The following SMAP2 variants were observed in gnomAD, a reference collection of about 807,000 sequenced individuals.
The protein encoded by SMAP2 is stromal membrane-associated protein 2.
Under a neutral mutation model 56.4 loss-of-function variants are expected in SMAP2, and 25 were observed. The observed-to-expected ratio is 0.44, with a 90% CI of 0.32 to 0.62. SMAP2 has a LOEUF of 0.62. Ranked by LOEUF, SMAP2 falls within the 20% of genes least tolerant of loss-of-function variation. SMAP2 has a pLI of 0.04. For missense variants in SMAP2, 388 were observed against 545.6 expected, an observed-to-expected ratio of 0.71 and a Z score of 2.88; for synonymous variants, 157 against 181.7, an observed-to-expected ratio of 0.86 and a Z score of 1.09.
intron 1 of SMAP2, among the ~76,000 whole-genome samples, chr1:40,355,865 C>T (rs763739274): frequency 8.8e-5 from 9 of 102,768 alleles, no homozygotes; most frequent in African/African-American, 3.8e-4. Context: ...CTGCCTCAGC[C>T]CCCCCAAAAT....
chr1:40,413,646 T>C (rs751798484), intron 5 of SMAP2, among the ~76,000 whole-genome samples: 2 of 152,212 alleles, frequency 1.3e-5, no homozygotes, highest in African/African-American at 4.8e-5. Flanking sequence ...TTACTTACTA[T>C]TGCTTAAGGA....
In SMAP2 at chr1:40,406,845, C is replaced by T; in HGVS notation, c.213C>T (p.Asp71=). ...HISRVKSVNL[D]QWTQEQIQCM... is the part of the protein sequence containing the mutation. Reference sequence around the variant, plus strand: ...CCAGGGTAAAGTCAGTTAACCTCGACCAGTGGACTCAAGAACAGATTCAGG... The same window carrying T: ...CCAGGGTAAAGTCAGTTAACCTCGATCAGTGGACTCAAGAACAGATTCAGG... Residue 71 remains aspartate, a synonymous_variant, in exon 2 of 10, where the codon GAC becomes GAT. Coordinates refer to ENST00000372718, the MANE Select transcript of SMAP2 (RefSeq NM_022733.3). 1 of 1,613,842 alleles carries T rather than the reference C, an allele frequency of 6.2e-7. No homozygotes were observed. The highest frequency in any genetic ancestry group is 8.5e-7 in the Non-Finnish European group (1 of 1,179,836).
intron 1 of SMAP2, chr1:40,403,581 A>AC: frequency 1.2e-6 from 1 of 826,314 alleles, no homozygotes. Flanking sequence ...GAATGAGTTA[A>AC]CTGGCCCTTA....
At chr1:40,413,139 C>A in intron 5 of SMAP2, 37 bp downstream of exon 5, 1 of 1,485,118 alleles carries the variant, frequency 6.7e-7, no homozygotes, top group South Asian at 1.1e-5. Flanking sequence ...TGGACAGCCT[C>A]AGGTATGTGT....
chr1:40,398,387 C>T (rs140622153), intron 1 of SMAP2, among the ~76,000 whole-genome samples: 107 of 148,064 alleles, frequency 7.2e-4, no homozygotes, highest in African/African-American at 2.5e-3. Flanking sequence ...TATCACCACA[C>T]CGAGCTCATT....
At chr1:40,414,131 T>C in intron 5 of SMAP2, 28 bp from the exon 6 acceptor site, 6 of 1,609,326 alleles carry the variant, frequency 3.7e-6, no homozygotes, top group Non-Finnish European at 5.1e-6. Context: ...ACCTGCTTAT[T>C]TCTTGCTATA....
chr1:40,374,238 C>T lies in SMAP2; in HGVS notation c.103+15C>T, dbSNP rs1242601423. On this transcript the variant is annotated intron_variant, in intron 1 of 9. Transcript: ENST00000372718. This position sits in a 1 kb window ranked among gnomAD's most constrained non-coding sequence, Gnocchi z 5.9. ...CCAGTCTAAAGGTAGCGCATCCCAC[C>T]TGGCGGGCCAGGGGTCCAGCCGCGC... 2.5e-6 allele frequency: 4 copies of T among 1,599,190 alleles called. No homozygotes were observed. The highest frequency in any genetic ancestry group is 3.4e-6 in the Non-Finnish European group (4 of 1,172,540).
chr1:40,357,838 ATAATT>A (rs1249673994), intron 1 of SMAP2, among the ~76,000 whole-genome samples: 1 of 152,128 alleles, frequency 6.6e-6, no homozygotes, highest in Non-Finnish European at 1.5e-5. Flanking sequence ...GCTTTGTAGT[ATAATT>A]TAAAGTCAGG....
intron 1 of SMAP2, among the ~76,000 whole-genome samples, chr1:40,380,487 C>G (rs2124225228): frequency 6.7e-6 from 1 of 149,434 alleles, no homozygotes; most frequent in South Asian, 2.1e-4. Context: ...TAGAAATGAA[C>G]TTTCCTATCA....
In SMAP2 at chr1:40,408,001, C is replaced by T. The variant is rs1474594077; in HGVS notation, c.238-652C>T. On this transcript the variant is annotated intron_variant, in intron 2 of 9. Transcript: ENST00000372718. The surrounding 1 kb of genome is among the most constrained non-coding windows in gnomAD (Gnocchi z 4.3). ...TTGGGAGTAAAAGGGAAGCCCCCCG[C>T]CCCCCAAATCCAGTTGCTAAAGTTG... is the stretch of plus-strand genomic sequence containing the variant. Among the ~76,000 whole-genome samples the T allele has an allele frequency of 1.3e-5, 2 of 151,982 alleles. No homozygotes were observed. Among genetic ancestry groups the T allele is most frequent in the Admixed American group, 6.6e-5 (1 of 15,254 alleles).
chr1:40,353,462 G>A (rs1261808615), intron 1 of SMAP2, among the ~76,000 whole-genome samples: 1 of 152,104 alleles, frequency 6.6e-6, no homozygotes, highest in African/African-American at 2.4e-5. Context: ...TCCGCCTCCC[G>A]GGTTCAAGTG....
chr1:40,374,068 T>C lies in SMAP2; in HGVS notation c.-53T>C, dbSNP rs1219762996. ...CCTCAACCCCGGACTGAGGCAGGGG[T>C]CTCTGGGGGCGAGGAGGGCGCGTCG... On this transcript the variant is annotated 5_prime_UTR_variant, in exon 1 of 10. Transcript: ENST00000372718. The surrounding 1 kb of genome is among the most constrained non-coding windows in gnomAD (Gnocchi z 5.9). The C allele has an allele frequency of 2.8e-6, 4 of 1,417,086 alleles. No homozygotes were observed. Among genetic ancestry groups the C allele is most frequent in the South Asian group, 2.4e-5 (2 of 83,554 alleles). 87.8% of individuals were successfully genotyped at this position (1,417,086 alleles called of 1,614,324 possible). A position where few individuals can be genotyped will look rare whatever the true frequency, so the allele number is the denominator to read the frequency against.
chr1:40,393,872 C>T (rs937333670), intron 1 of SMAP2, among the ~76,000 whole-genome samples: 1 of 152,036 alleles, frequency 6.6e-6, no homozygotes, highest in African/African-American at 2.4e-5. Flanking sequence ...GGAGTATTTG[C>T]GTGAACAGAA....
Position 40,414,178 on chromosome 1 carries a change from C to T in SMAP2, c.509C>T (p.Pro170Leu), listed in dbSNP as rs778445826. The change falls in exon 6 of 10, where the codon CCA (proline) becomes CTA (leucine). Residue 170 changes from proline to leucine, a missense_variant. Physicochemically the swap from Pro to Leu is moderately conservative, Grantham distance 98 (BLOSUM62 -3). Transcript: ENST00000372718. The stretch of plus-strand genomic sequence containing the variant: ...CCTTAGCCACAGAAAAAAGAAGACC[C>T]ACAGCTACCTCGGAAAAGCTCCCCG... ...KVKMPQKKEDPQLPRKSSPKS... is the reference protein window; with the variant it reads ...KVKMPQKKEDLQLPRKSSPKS... The T allele has an allele frequency of 1.2e-6, 2 of 1,614,142 alleles. No individual in the cohort carries two copies. Among genetic ancestry groups the T allele is most frequent in the Non-Finnish European group, 1.7e-6 (2 of 1,180,016 alleles).
At chr1:40,380,868 A>G (rs1356892107) in intron 1 of SMAP2, among the ~76,000 whole-genome samples, 1 of 152,140 alleles carries the variant, frequency 6.6e-6, no homozygotes, top group Non-Finnish European at 1.5e-5. Flanking sequence ...AATGGCGTGA[A>G]ACAACAGAAG....
upstream of SMAP2, among the ~76,000 whole-genome samples, chr1:40,373,247 T>G (rs963472014): frequency 6.6e-6 from 1 of 152,232 alleles, no homozygotes; most frequent in African/African-American, 2.4e-5. Flanking sequence ...CAGAGTCCTC[T>G]GAAAATGTGG....
At chr1:40,411,178 G>A (rs1012116838) in intron 4 of SMAP2, among the ~76,000 whole-genome samples, 2 of 152,172 alleles carry the variant, frequency 1.3e-5, no homozygotes, top group Admixed American at 6.5e-5. Flanking sequence ...TCTCAACTGT[G>A]TATGAAGGAC....
chr1:40,360,056 G>GAGTGC (rs1038383050), intron 1 of SMAP2, among the ~76,000 whole-genome samples: 15 of 135,312 alleles, frequency 1.1e-4, no homozygotes, highest in African/African-American at 4.4e-4. Context: ...ACCTAGGCTG[G>GAGTGC]AGTGCAGTGG....
intron 9 of SMAP2, among the ~76,000 whole-genome samples, chr1:40,420,036 A>G (rs1283505550): frequency 2.0e-5 from 3 of 152,102 alleles, no homozygotes; most frequent in African/African-American, 4.8e-5. Flanking sequence ...TGTTTCTTCT[A>G]TGGAAGTCAA....
Sources: gnomAD v4.1 joint callset for allele counts (sites outside exome capture counted in the v4.1 genomes callset) on GRCh38, gnomAD v4.1.1 for gene constraint, Gnocchi (gnomAD v3.1) non-coding constraint, MANE v1.5 for transcripts, NCBI Gene and HGNC (gene_info 2026-07-23, HGNC 2026-07-21) for gene names.